MOCS1: variants seen among roughly 807,000 people sequenced by gnomAD.
MOCS1 encodes molybdenum cofactor biosynthesis protein 1.
MOCS1 carries 39 observed loss-of-function variants against 57.6 expected under a neutral mutation model. The ratio of observed to expected loss-of-function variants is 0.68; its 90% CI spans 0.52 to 0.88. The LOEUF (loss-of-function observed/expected upper bound fraction) is 0.88, where lower values mean the gene tolerates loss of function less well. Among genes scored for constraint, MOCS1 ranks in the 40% least tolerant of loss-of-function variants. MOCS1 has a pLI of 0.00. For synonymous variants in MOCS1, 334 were observed against 335.7 expected (o/e 1.00, Z 0.05); for missense variants, 795 against 831.1 (o/e 0.96, Z 0.53).
chr6:39,906,989 A>C lies in MOCS1; in HGVS notation c.1279T>G (p.Cys427Gly), dbSNP rs1366386927. ...AGAGGAGGGGTCTGGGGGACCCTGCATCCTTTCCATAAAGTGGCCACCTGG... is the reference window on the plus strand; with the variant it reads ...AGAGGAGGGGTCTGGGGGACCCTGCCTCCTTTCCATAAAGTGGCCACCTGG... ...SSQVATLWKG[C>G]RVPQTPPLAQ... The change falls in exon 11 of 11, where the codon TGC becomes GGC. Residue 427 changes from cysteine (C) to glycine (G), a missense_variant. Physicochemically the swap from Cys to Gly is radical, Grantham distance 159 (BLOSUM62 -3). This residue lies in a region of MOCS1 where 374 missense variants were observed against 422.6 expected (regional missense o/e 0.89). Coordinates refer to ENST00000340692, the MANE Select transcript of MOCS1 (RefSeq NM_001358530.2). 1 of 1,613,904 alleles carries C rather than the reference A, an allele frequency of 6.2e-7. No homozygotes were observed. Among genetic ancestry groups the C allele is most frequent in the African/African-American group, 1.3e-5 (1 of 74,896 alleles).
At chr6:39,912,851 A>C in intron 7 of MOCS1, 41 bp downstream of exon 7, 1 of 1,498,410 alleles carries the variant, frequency 6.7e-7, no homozygotes, top group African/African-American at 1.4e-5. Context: ...TGGAGGTACG[A>C]CCTTCCTCCA....
intron 1 of MOCS1, 98 bp downstream of exon 1, chr6:39,934,197 G>A (rs973079923): frequency 4.2e-6 from 6 of 1,413,700 alleles, no homozygotes; most frequent in Admixed American, 5.4e-5. Flanking sequence ...TCCCAGAAGC[G>A]GTCAAGCAGA....
intron 10 of MOCS1, among the ~76,000 whole-genome samples, chr6:39,908,048 C>T (rs1350134526): frequency 6.6e-6 from 1 of 152,196 alleles, no homozygotes; most frequent in Non-Finnish European, 1.5e-5. Flanking sequence ...ATGAAGGTGC[C>T]TCAGCATGGG....
rs1460745162 is a variant in MOCS1, at chr6:39,905,830, C to A, written c.*527G>T. ...AAGGAGAGATGAAGTCAGGACAGGA[C>A]AGGACAGGGCAGGGCTGCGGCTTCA... On this transcript the variant is annotated 3_prime_UTR_variant, in exon 11 of 11. Coordinates refer to ENST00000340692, the MANE Select transcript of MOCS1 (RefSeq NM_001358530.2). The A allele has an allele frequency of 2.2e-6, 1 of 458,986 alleles. No homozygotes were observed. The highest frequency in any genetic ancestry group is 4.4e-6 in the Non-Finnish European group (1 of 224,980). 28.4% of individuals were successfully genotyped at this position (458,986 alleles called of 1,614,324 possible). A position where few individuals can be genotyped will look rare whatever the true frequency, so the allele number is the denominator to read the frequency against.
In MOCS1 at chr6:39,909,609, C is replaced by T. The variant is rs540903952; in HGVS notation, c.1102+226G>A. 3.3e-5 allele frequency among the ~76,000 whole-genome samples: 5 copies of T among 152,212 alleles called. No individual in the cohort carries two copies. The East Asian group carries it at 5.8e-4, about 18-fold the overall frequency. ...AACAGCCCAAGAGAATCTGGGGTCC[C>T]CTCTCCTGTGCAGCCTCTGCTATGA... On this transcript the variant is annotated intron_variant, in intron 9 of 10. Transcript: ENST00000340692.
chr6:39,924,817 G>A (rs928004371), intron 3 of MOCS1, among the ~76,000 whole-genome samples: 2 of 152,232 alleles, frequency 1.3e-5, no homozygotes, highest in East Asian at 1.9e-4. Context: ...AGTGGCTCAC[G>A]CCTGTAATCT....
intron 1 of MOCS1, 70 bp from the exon 2 acceptor site, chr6:39,927,525 G>T (rs762923571): frequency 6.2e-7 from 1 of 1,610,858 alleles, no homozygotes. Context: ...AAGGAGAACC[G>T]CCTGCCCCCT....
At position 39,904,965 on chromosome 6, in the gene MOCS1, T is replaced by C. The variant is rs551552216; in HGVS notation, c.*1392A>G. ...CTTGTACCAGCTCTGTGAGAACCAA[T>C]TGTTTACATTTTCAGAAATTTTGCA... On this transcript the variant is annotated 3_prime_UTR_variant, in exon 11 of 11. Coordinates refer to ENST00000340692, the MANE Select transcript of MOCS1 (RefSeq NM_001358530.2). The C allele has an allele frequency of 8.8e-6, 4 of 453,840 alleles. No individual in the cohort carries two copies. Among genetic ancestry groups the C allele is most frequent in the South Asian group, 3.1e-5 (2 of 64,478 alleles). The allele number at this position is 453,840 out of a possible 1,614,324, so 28.1% of individuals were successfully genotyped here. A position where few individuals can be genotyped will look rare whatever the true frequency, so the allele number is the denominator to read the frequency against.
intron 1 of MOCS1, among the ~76,000 whole-genome samples, chr6:39,933,178 C>T (rs13220094): frequency 0.21 from 31,332 of 152,070 alleles, 3,582 homozygotes; most frequent in Middle Eastern, 0.31. Flanking sequence ...CTAAATGCTT[C>T]CACATGTGAG....
chr6:39,934,274 A>G (rs1562107977), intron 1 of MOCS1, 21 bp downstream of exon 1: 2 of 1,531,864 alleles, frequency 1.3e-6, no homozygotes, highest in Non-Finnish European at 1.7e-6. Context: ...GAAGCTGTGG[A>G]CGCAGGCGGG....
In MOCS1 at chr6:39,906,841, T is replaced by C; in HGVS notation, c.1427A>G (p.Gln476Arg). The change falls in exon 11 of 11, where the codon CAG becomes CGG. Residue 476 changes from glutamine to arginine, a missense_variant. Gln to Arg is a conservative substitution (Grantham distance 43). This residue lies in a region of MOCS1 where 374 missense variants were observed against 422.6 expected (regional missense o/e 0.89). Transcript: ENST00000340692. ...SWASAAPSGP[Q>R]LTSEQLTHVD... is the part of the protein sequence containing the mutation. ...ATGAGTTAGTTGTTCTGAGGTTAGCTGGGGTCCTGAGGGGGCAGCAGAAGC... is the reference window on the plus strand; with the variant it reads ...ATGAGTTAGTTGTTCTGAGGTTAGCCGGGGTCCTGAGGGGGCAGCAGAAGC... The C allele has an allele frequency of 6.2e-7, 1 of 1,614,160 alleles. No homozygotes were observed.
intron 1 of MOCS1, among the ~76,000 whole-genome samples, chr6:39,929,939 CAAAA>C (rs397948587): frequency 2.1e-5 from 2 of 96,722 alleles, no homozygotes; most frequent in African/African-American, 8.2e-5. Flanking sequence ...GAGATTCTCT[CAAAA>C]AAAAAAAAAA....
rs1767421259 is a variant in MOCS1 at position 39,912,921 on chromosome 6, C to T, written c.841G>A (p.Val281Met). 3 of 1,614,184 alleles carry T rather than the reference C, an allele frequency of 1.9e-6. No homozygotes were observed. Among genetic ancestry groups the T allele is most frequent in the Non-Finnish European group, 2.5e-6 (3 of 1,180,030 alleles). ...VRQQWPELEK[V>M]PEEESSTAKA... ...GCTGTGCTGGATTCCTCCTCTGGCA[C>T]CTTCTCCAGCTCTGGCCACTGCTGC... is the stretch of plus-strand genomic sequence containing the variant. Residue 281 changes from valine to methionine, a missense_variant, in exon 7 of 11, where the codon GTG becomes ATG. Physicochemically the swap from Val to Met is conservative, Grantham distance 21. Transcript: ENST00000340692.
At chr6:39,933,727 C>G (rs1266726601) in intron 1 of MOCS1, among the ~76,000 whole-genome samples, 2 of 152,244 alleles carry the variant, frequency 1.3e-5, no homozygotes, top group African/African-American at 4.8e-5. Context: ...GAAGAAGCCA[C>G]GTCCTGCCCT....
chr6:39,934,070 G>C (rs943429829), intron 1 of MOCS1, among the ~76,000 whole-genome samples: 8 of 152,042 alleles, frequency 5.3e-5, no homozygotes, highest in African/African-American at 1.9e-4. Context: ...TGGCGTGGCT[G>C]GGGGGCAGGG....
At chr6:39,930,014 T>A (rs1295746737) in intron 1 of MOCS1, among the ~76,000 whole-genome samples, 1 of 151,788 alleles carries the variant, frequency 6.6e-6, no homozygotes, top group African/African-American at 2.4e-5. Flanking sequence ...CAGATTTCAC[T>A]TTTAAGAACT....
rs560902122 is a variant in MOCS1, at chr6:39,910,887, C to T, written c.982-932G>A. Among the ~76,000 whole-genome samples the T allele has an allele frequency of 4.6e-5, 7 of 150,600 alleles. 1 individual carries two copies. In the South Asian group the frequency reaches 1.5e-3, roughly 33 times the overall value. ...ATGGGTAAAGGGAAAGAACAATCTT[C>T]AGGCATTTCTCCCCTACTTCCTCCC... On this transcript the variant is annotated intron_variant, in intron 8 of 10. Transcript: ENST00000340692.
rs1293073248 is a variant in MOCS1, at chr6:39,904,551, T to A, written c.*1806A>T. On this transcript the variant is annotated 3_prime_UTR_variant, in exon 11 of 11. Transcript: ENST00000340692. The stretch of plus-strand genomic sequence containing the variant: ...GTCATCAACCTAACAAACACAACCT[T>A]CTCAGCAGCATTTCTCCCCTGTGAT... 1 of 453,758 alleles carries A rather than the reference T, an allele frequency of 2.2e-6. No homozygotes were observed. The highest frequency in any genetic ancestry group is 4.4e-6 in the Non-Finnish European group (1 of 226,972). The allele number at this position is 453,758 out of a possible 1,614,324, so 28.1% of individuals were successfully genotyped here.
chr6:39,933,412 G>T (rs1187140293), intron 1 of MOCS1, among the ~76,000 whole-genome samples: 2 of 152,090 alleles, frequency 1.3e-5, no homozygotes, highest in East Asian at 1.9e-4. Context: ...CTTAGATTTG[G>T]GGAAAGCAAA....
Sources: gnomAD v4.1 joint callset for allele counts (sites outside exome capture counted in the v4.1 genomes callset) on GRCh38, gnomAD v4.1.1 for gene constraint, gnomAD v4.1.1 regional missense constraint, MANE v1.5 for transcripts, NCBI Gene and HGNC (gene_info 2026-07-23, HGNC 2026-07-21) for gene names.